TOGARAM1: variants seen among roughly 807,000 people sequenced by gnomAD.
The protein encoded by TOGARAM1 is TOG array regulator of axonemal microtubules 1, also known as TOG array regulator of axonemal microtubules protein 1.
Under a neutral mutation model 166.6 loss-of-function variants are expected in TOGARAM1, and 100 were observed. The observed-to-expected ratio is 0.60, with a 90% CI of 0.51 to 0.71. TOGARAM1 has a LOEUF of 0.71. Ranked by LOEUF, TOGARAM1 falls within the 30% of genes least tolerant of loss-of-function variation. The probability of loss-of-function intolerance (pLI) is 0.00; values close to 1 mark genes in which losing one functional copy is unlikely to be tolerated. For synonymous variants in TOGARAM1, 758 were observed against 763.8 expected, an observed-to-expected ratio of 0.99 and a Z score of 0.13; for missense variants, 2,029 against 2,102.7, an observed-to-expected ratio of 0.96 and a Z score of 0.69.
At chr14:44,972,029 G>A (rs893729846) in intron 1 of TOGARAM1, among the ~76,000 whole-genome samples, 3 of 152,098 alleles carry the variant, frequency 2.0e-5, no homozygotes, top group Non-Finnish European at 2.9e-5. Context: ...GAGGGCAGGA[G>A]GAGATGCTAC....
At position 44,962,502 on chromosome 14, in the gene TOGARAM1, T is replaced by G; in HGVS notation, c.81T>G (p.Arg27=). 1 of 1,612,588 alleles carries G rather than the reference T, an allele frequency of 6.2e-7. No individual in the cohort carries two copies. ...CCTATCGGCTCCAGAGCCGCAGTCG[T>G]CCTTCCGCCCCAGAGACCGATGATA... ...LSTYRLQSRS[R]PSAPETDDSR... Residue 27 remains arginine (R), a synonymous_variant, in exon 1 of 20, where the codon CGT becomes CGG. Transcript: ENST00000361462.
chr14:44,987,546 C>T (rs934331903), intron 1 of TOGARAM1, among the ~76,000 whole-genome samples: 3 of 152,066 alleles, frequency 2.0e-5, no homozygotes, highest in African/African-American at 7.2e-5. Flanking sequence ...AAATCAAAAC[C>T]ACAATGAGAT....
At chr14:44,979,755 A>AT (rs922808791) in intron 1 of TOGARAM1, among the ~76,000 whole-genome samples, 14 of 152,158 alleles carry the variant, frequency 9.2e-5, no homozygotes, top group African/African-American at 2.4e-4. Flanking sequence ...CTCTGTACAG[A>AT]TTTTTTCATT....
At position 45,003,654 on chromosome 14, in the gene TOGARAM1, A is replaced by T. The variant is rs192271598; in HGVS notation, c.2339-407A>T. Among the ~76,000 whole-genome samples, 54 of 152,296 alleles carry T rather than the reference A, an allele frequency of 3.5e-4. 1 individual carries two copies. In the East Asian group the frequency reaches 6.7e-3, roughly 19 times the overall value. Reference sequence around the variant, plus strand: ...TGTTCAGAGAAAAGCAAATAGAAACATGTTGATGATAGGGAAAATATGCAC... The same window carrying T: ...TGTTCAGAGAAAAGCAAATAGAAACTTGTTGATGATAGGGAAAATATGCAC... On this transcript the variant is annotated intron_variant, in intron 3 of 19. Coordinates refer to ENST00000361462, the MANE Select transcript of TOGARAM1 (RefSeq NM_001308120.2).
intron 16 of TOGARAM1, 116 bp from the exon 17 acceptor site, chr14:45,066,462 T>A: frequency 1.1e-6 from 1 of 921,682 alleles, no homozygotes; most frequent in South Asian, 2.1e-5. Flanking sequence ...CCACAGTTTT[T>A]TGCATTTTAT....
At chr14:44,971,027 T>G (rs1032006838) in intron 1 of TOGARAM1, among the ~76,000 whole-genome samples, 4 of 152,142 alleles carry the variant, frequency 2.6e-5, no homozygotes, top group African/African-American at 9.7e-5. Flanking sequence ...TTTTTTTTCT[T>G]ATAAGGTCTT....
In TOGARAM1 at chr14:45,031,604, T is replaced by C. The variant is rs147114155; in HGVS notation, c.3659-619T>C. Among the ~76,000 whole-genome samples, 3 of 152,322 alleles carry C rather than the reference T, an allele frequency of 2.0e-5. No individual in the cohort carries two copies. In the East Asian group the frequency reaches 5.8e-4, roughly 29 times the overall value. ...CAAAATGGGATCGTACTACTTCTTT[T>C]GCTTTTAGCTGTTAAAATAAAGCTA... On this transcript the variant is annotated intron_variant, in intron 10 of 19. Coordinates refer to ENST00000361462, the MANE Select transcript of TOGARAM1 (RefSeq NM_001308120.2).
intron 1 of TOGARAM1, 66 bp from the exon 2 acceptor site, chr14:44,995,680 T>C: frequency 8.8e-7 from 1 of 1,138,212 alleles, no homozygotes; most frequent in East Asian, 2.5e-5. Context: ...ATCTAAGTTA[T>C]TTTGTCATAT....
At chr14:45,011,000 G>A (rs1312008429) in intron 6 of TOGARAM1, among the ~76,000 whole-genome samples, 1 of 152,148 alleles carries the variant, frequency 6.6e-6, no homozygotes, top group African/African-American at 2.4e-5. Flanking sequence ...ACTGAGAATT[G>A]TACTTCTTTG....
chr14:45,000,378 A>G (rs1316077422), intron 3 of TOGARAM1, among the ~76,000 whole-genome samples: 1 of 152,074 alleles, frequency 6.6e-6, no homozygotes, highest in Non-Finnish European at 1.5e-5. Flanking sequence ...TCTGGATACC[A>G]TCATTCTGCT....
At chr14:45,043,352 A>G (rs1405666098) in intron 11 of TOGARAM1, among the ~76,000 whole-genome samples, 1 of 151,598 alleles carries the variant, frequency 6.6e-6, no homozygotes. Context: ...TGATTTTTGT[A>G]TTTTCAGTAG....
At position 45,016,544 on chromosome 14, in the gene TOGARAM1, C is replaced by T. The variant is rs1362626744; in HGVS notation, c.3238+4469C>T. On this transcript the variant is annotated intron_variant, in intron 7 of 19. Coordinates refer to ENST00000361462, the MANE Select transcript of TOGARAM1 (RefSeq NM_001308120.2). ...ACAGGAGTGAGCCACCACACCCGGC[C>T]CACACCCAGTGAATTTTTTAATTTT... Among the ~76,000 whole-genome samples, 5 of 152,244 alleles carry T rather than the reference C, an allele frequency of 3.3e-5. No homozygotes were observed. In the South Asian group the frequency reaches 1.0e-3, roughly 32 times the overall value.
At chr14:44,979,587 AC>A (rs1165388849) in intron 1 of TOGARAM1, among the ~76,000 whole-genome samples, 1 of 152,116 alleles carries the variant, frequency 6.6e-6, no homozygotes, top group Non-Finnish European at 1.5e-5. Context: ...AATAGCACTT[AC>A]TCTATGCCAG....
chr14:45,056,787 A>G (rs1307599583), intron 16 of TOGARAM1, among the ~76,000 whole-genome samples: 2 of 151,966 alleles, frequency 1.3e-5, no homozygotes, highest in East Asian at 1.9e-4. Flanking sequence ...TTTTACATCT[A>G]TATTTTTAGG....
At chr14:45,031,687 TTAA>T (rs1298318350) in intron 10 of TOGARAM1, among the ~76,000 whole-genome samples, 1 of 152,226 alleles carries the variant, frequency 6.6e-6, no homozygotes, top group Non-Finnish European at 1.5e-5. Flanking sequence ...ATATAATTTG[TTAA>T]TAATTTTGCA....
intron 1 of TOGARAM1, among the ~76,000 whole-genome samples, chr14:44,988,109 GT>G (rs1272600796): frequency 7.2e-6 from 1 of 139,180 alleles, no homozygotes; most frequent in African/African-American, 2.7e-5. Context: ...CTGCTGTGAG[GT>G]GGGGGGAGGG....
Position 45,044,758 on chromosome 14 carries a change from G to A in TOGARAM1, c.4042G>A (p.Ala1348Thr). 1 of 1,613,990 alleles carries A rather than the reference G, an allele frequency of 6.2e-7. No homozygotes were observed. The highest frequency in any genetic ancestry group is 8.5e-7 in the Non-Finnish European group (1 of 1,179,952). Residue 1348 changes from alanine to threonine, a missense_variant, in exon 13 of 20, where the codon GCT becomes ACT. By Grantham distance (58) the Ala-to-Thr change is moderately conservative. Around this residue, in one of 2 missense-constraint regions of TOGARAM1, gnomAD observed 576 missense variants for 670.5 expected, o/e 0.86. Transcript: ENST00000361462. ...CACAGTAAAAGTTTTGTTGCACAAG[G>A]CTGGTGAATCAAATACATTTATAAG... ...DTTVKVLLHKAGESNTFIRED... is the reference protein window; with the variant it reads ...DTTVKVLLHKTGESNTFIRED...
intron 16 of TOGARAM1, among the ~76,000 whole-genome samples, chr14:45,058,595 G>GAATA (rs1882758148): frequency 6.6e-6 from 1 of 152,048 alleles, no homozygotes; most frequent in Non-Finnish European, 1.5e-5. Flanking sequence ...GCCCAGCCTA[G>GAATA]AATATCTTTT....
chr14:45,066,743 C>A lies in TOGARAM1; in HGVS notation c.4725C>A (p.Asp1575Glu), dbSNP rs567842372. 3 of 1,612,502 alleles carry A rather than the reference C, an allele frequency of 1.9e-6. No individual in the cohort carries two copies. The highest frequency in any genetic ancestry group is 1.7e-4 in the Middle Eastern group (1 of 6,024). ...QLLSDTENNQ[D>E]LVVGNIVKIF... ...TATCAGATACAGAAAATAATCAAGA[C>A]CTTGTTGTTGGAAACATTGTGAAGG... Residue 1575 changes from aspartate to glutamate, a missense_variant, in exon 17 of 20, where the codon GAC becomes GAA. Asp to Glu is a conservative substitution (Grantham distance 45, BLOSUM62 2). Around this residue, in one of 2 missense-constraint regions of TOGARAM1, gnomAD observed 576 missense variants for 670.5 expected, o/e 0.86. Coordinates refer to ENST00000361462, the MANE Select transcript of TOGARAM1 (RefSeq NM_001308120.2).
Sources: allele counts gnomAD v4.1 joint callset (sites outside exome capture counted in the v4.1 genomes callset), GRCh38; gene constraint gnomAD v4.1.1; regional missense constraint gnomAD v4.1.1; transcripts MANE v1.5; gene names NCBI Gene and HGNC (gene_info 2026-07-23, HGNC 2026-07-21).